RSU1: variants seen among roughly 807,000 people sequenced by gnomAD.
RSU1 encodes rsu-1.
RSU1 carries 26 observed loss-of-function variants against 31.1 expected under a neutral mutation model. The ratio of observed to expected loss-of-function variants is 0.84; its 90% CI spans 0.61 to 1.16. The LOEUF (loss-of-function observed/expected upper bound fraction) is 1.16, where lower values mean the gene tolerates loss of function less well. Among genes scored for constraint, RSU1 ranks in the 50% most tolerant of loss-of-function variants. The probability of loss-of-function intolerance (pLI) is 0.00; values close to 1 mark genes in which losing one functional copy is unlikely to be tolerated. For missense variants in RSU1, 320 were observed against 339.1 expected, an observed-to-expected ratio of 0.94 and a Z score of 0.44; for synonymous variants, 164 against 136.3, an observed-to-expected ratio of 1.20 and a Z score of -1.41.
intron 8 of RSU1, among the ~76,000 whole-genome samples, chr10:16,676,572 G>A (rs1835236722): frequency 6.6e-6 from 1 of 152,136 alleles, no homozygotes; most frequent in African/African-American, 2.4e-5. Context: ...CAGAATTCTT[G>A]GGACCAGAAG....
chr10:16,718,752 G>A lies in RSU1; in HGVS notation c.599-23597C>T, dbSNP rs189057830. 5.9e-5 allele frequency among the ~76,000 whole-genome samples: 9 copies of A among 152,078 alleles called. No individual in the cohort carries two copies. The East Asian group carries it at 7.8e-4, about 13-fold the overall frequency. ...TCCCAGCACTTTGGGAGGCTGAGGC[G>A]GGCAGATCACCTGAGGTTAGTAGAT... On this transcript the variant is annotated intron_variant, in intron 7 of 8. Coordinates refer to ENST00000345264, the MANE Select transcript of RSU1 (RefSeq NM_012425.4).
chr10:16,623,474 A>G (rs569685005), intron 8 of RSU1, among the ~76,000 whole-genome samples: 1 of 152,334 alleles, frequency 6.6e-6, no homozygotes, highest in East Asian at 1.9e-4. Flanking sequence ...GCTATTGTGA[A>G]TAGTGCTGCA....
In RSU1 at chr10:16,726,967, A is replaced by C. The variant is rs930774582; in HGVS notation, c.598+25572T>G. 3 of 434,810 alleles carry C rather than the reference A, an allele frequency of 6.9e-6. No homozygotes were observed. In the Admixed American group the frequency reaches 7.3e-5, roughly 11 times the overall value. The allele number at this position is 434,810 out of a possible 1,614,324, so 26.9% of individuals were successfully genotyped here. ...ACAAGATGACAGATTCTGATGACTAAACTTGTTTTCTCATTATCAAAAGCA... is the reference window on the plus strand; with the variant it reads ...ACAAGATGACAGATTCTGATGACTACACTTGTTTTCTCATTATCAAAAGCA... On this transcript the variant is annotated intron_variant, in intron 7 of 8. Coordinates refer to ENST00000345264, the MANE Select transcript of RSU1 (RefSeq NM_012425.4).
At chr10:16,728,902 G>A (rs1455132801) in intron 7 of RSU1, among the ~76,000 whole-genome samples, 1 of 152,200 alleles carries the variant, frequency 6.6e-6, no homozygotes, top group Non-Finnish European at 1.5e-5. Context: ...AGAGCCTCCT[G>A]AAGGAAGTGA....
At chr10:16,620,703 G>A (rs1240847106) in intron 8 of RSU1, among the ~76,000 whole-genome samples, 2 of 152,028 alleles carry the variant, frequency 1.3e-5, no homozygotes, top group East Asian at 1.9e-4. Flanking sequence ...AAATTAGCTG[G>A]GTGTGGTGAT....
intron 2 of RSU1, among the ~76,000 whole-genome samples, chr10:16,788,237 G>C (rs994978527): frequency 2.0e-5 from 3 of 152,216 alleles, no homozygotes; most frequent in Non-Finnish European, 2.9e-5. Context: ...CTCATAGGCA[G>C]TCCAGAGGCC....
chr10:16,737,579 C>A (rs1264724588), intron 7 of RSU1, among the ~76,000 whole-genome samples: 2 of 151,856 alleles, frequency 1.3e-5, no homozygotes, highest in Admixed American at 6.6e-5. Flanking sequence ...CCAAAAAGAA[C>A]TGTACTACAA....
intron 8 of RSU1, among the ~76,000 whole-genome samples, chr10:16,611,616 CTCTGCT>C (rs1018268431): frequency 6.6e-6 from 1 of 152,218 alleles, no homozygotes; most frequent in African/African-American, 2.4e-5. Context: ...TGTTCTCTTG[CTCTGCT>C]TCTAACTCCC....
At chr10:16,630,872 C>G (rs1461638451) in intron 8 of RSU1, among the ~76,000 whole-genome samples, 2 of 152,150 alleles carry the variant, frequency 1.3e-5, no homozygotes, top group African/African-American at 2.4e-5. Context: ...ATAGAAATAG[C>G]CAAGCTCAAT....
chr10:16,670,726 T>C (rs765927664), intron 8 of RSU1, among the ~76,000 whole-genome samples: 25 of 152,146 alleles, frequency 1.6e-4, no homozygotes, highest in Non-Finnish European at 2.8e-4. Context: ...TCTTCTGGTG[T>C]TCCCTTGGTC....
At chr10:16,656,400 C>T (rs375734159) in intron 8 of RSU1, among the ~76,000 whole-genome samples, 6 of 152,274 alleles carry the variant, frequency 3.9e-5, no homozygotes, top group East Asian at 3.9e-4. Context: ...TCAATCAAAT[C>T]TCACAGGGCA....
chr10:16,801,816 ATATTTTAAT>A (rs1838161651), intron 2 of RSU1, among the ~76,000 whole-genome samples: 1 of 152,158 alleles, frequency 6.6e-6, no homozygotes, highest in Non-Finnish European at 1.5e-5. Context: ...ATTTTTAAAA[ATATTTTAAT>A]TAAATGAAAA....
chr10:16,744,110 A>G (rs1241236458), intron 7 of RSU1, among the ~76,000 whole-genome samples: 1 of 151,308 alleles, frequency 6.6e-6, no homozygotes, highest in Admixed American at 6.6e-5. Context: ...AGTCTGGGTG[A>G]CACAGAGCAA....
At chr10:16,777,652 T>TC in intron 3 of RSU1, among the ~76,000 whole-genome samples, 1 of 152,206 alleles carries the variant, frequency 6.6e-6, no homozygotes, top group Middle Eastern at 3.4e-3. Flanking sequence ...AAAATGGTTG[T>TC]CCCCAAAAGA....
chr10:16,780,271 T>A (rs1018739890), intron 3 of RSU1, among the ~76,000 whole-genome samples: 4 of 152,242 alleles, frequency 2.6e-5, no homozygotes, highest in Non-Finnish European at 5.9e-5. Context: ...GCTTTCTTCC[T>A]GTTGGAGACA....
chr10:16,638,077 G>C (rs1047963949), intron 8 of RSU1, among the ~76,000 whole-genome samples: 1 of 152,156 alleles, frequency 6.6e-6, no homozygotes, highest in African/African-American at 2.4e-5. Context: ...GTGGTGGCCA[G>C]AAGATTGTAG....
intron 8 of RSU1, among the ~76,000 whole-genome samples, chr10:16,641,071 G>A (rs1376797473): frequency 2.0e-5 from 3 of 152,202 alleles, no homozygotes; most frequent in African/African-American, 7.2e-5. Flanking sequence ...ATACTCAGGT[G>A]ATGGGTTGAC....
intron 8 of RSU1, among the ~76,000 whole-genome samples, chr10:16,673,473 CT>C (rs1835158722): frequency 7.8e-6 from 1 of 129,018 alleles, no homozygotes. Flanking sequence ...GGGAATTTGA[CT>C]GGGAGAATTT....
At chr10:16,738,214 A>T (rs1468275161) in intron 7 of RSU1, among the ~76,000 whole-genome samples, 1 of 152,212 alleles carries the variant, frequency 6.6e-6, no homozygotes, top group Non-Finnish European at 1.5e-5. Flanking sequence ...TGGGAGGCCA[A>T]AACAGGCGGA....
Sources: allele counts gnomAD v4.1 joint callset (sites outside exome capture counted in the v4.1 genomes callset), GRCh38; gene constraint gnomAD v4.1.1; transcripts MANE v1.5; gene names NCBI Gene and HGNC (gene_info 2026-07-23, HGNC 2026-07-21).